DNAI7: variants seen among roughly 807,000 people sequenced by gnomAD.
The protein encoded by DNAI7 is cancer susceptibility 1.
Under a neutral mutation model 86.6 loss-of-function variants are expected in DNAI7, and 78 were observed. The ratio of observed to expected loss-of-function variants is 0.90; its 90% confidence interval spans 0.75 to 1.09. The LOEUF is 1.09. DNAI7 is among the 50% of genes least tolerant of loss of function. DNAI7 has a pLI of 0.00. For missense variants in DNAI7, 753 were observed against 810.2 expected (o/e 0.93, Z 0.86); for synonymous variants, 274 against 273.0 (o/e 1.00, Z -0.04).
At chr12:25,122,161 GTGT>G (rs1279902156) in intron 10 of DNAI7, among the ~76,000 whole-genome samples, 6 of 152,212 alleles carry the variant, frequency 3.9e-5, no homozygotes, top group Admixed American at 3.9e-4. Flanking sequence ...CAATAAGCAT[GTGT>G]TATTATTAAA....
intron 2 of DNAI7, among the ~76,000 whole-genome samples, chr12:25,181,045 T>A (rs1197243913): frequency 6.6e-6 from 1 of 152,214 alleles, no homozygotes; most frequent in Non-Finnish European, 1.5e-5. Flanking sequence ...TGACCTCAGA[T>A]GATCCGCCTG....
intron 9 of DNAI7, among the ~76,000 whole-genome samples, chr12:25,137,484 CA>C (rs1000128757): frequency 2.0e-4 from 30 of 151,652 alleles, no homozygotes; most frequent in African/African-American, 6.8e-4. Flanking sequence ...AAAAACAAAA[CA>C]AAAAAATAAT....
At chr12:25,174,496 C>CATATATATGGGATATATATATATAT in intron 2 of DNAI7, among the ~76,000 whole-genome samples, 1 of 2,890 alleles carries the variant, frequency 3.5e-4, no homozygotes, top group African/African-American at 8.9e-4. Context: ...TATCATATAT[C>CATATATATGGGATATATATATATAT]CCATATATAT....
At chr12:25,117,930 TTC>T (rs1395147100) in intron 12 of DNAI7, among the ~76,000 whole-genome samples, 3 of 74,196 alleles carry the variant, frequency 4.0e-5, no homozygotes, top group Non-Finnish European at 1.1e-4. Context: ...TTTTGATATT[TTC>T]TTTTTCTTTT....
chr12:25,109,390 G>T (rs981314982), intron 15 of DNAI7, among the ~76,000 whole-genome samples: 18 of 151,400 alleles, frequency 1.2e-4, no homozygotes, highest in African/African-American at 4.3e-4. Context: ...GCCTCCATTT[G>T]TTGTTTTTTT....
intron 6 of DNAI7, among the ~76,000 whole-genome samples, chr12:25,150,950 A>G (rs1281585574): frequency 6.6e-6 from 1 of 152,236 alleles, no homozygotes; most frequent in African/African-American, 2.4e-5. Context: ...TAATGCATTC[A>G]TTCTTCATTA....
intron 14 of DNAI7, among the ~76,000 whole-genome samples, chr12:25,111,387 A>C (rs138973454): frequency 2.6e-5 from 4 of 152,344 alleles, no homozygotes; most frequent in African/African-American, 9.6e-5. Context: ...TGGGTTTTGT[A>C]CATTGGTGGT....
intron 2 of DNAI7, among the ~76,000 whole-genome samples, chr12:25,166,804 T>C (rs1947531378): frequency 6.6e-6 from 1 of 152,196 alleles, no homozygotes; most frequent in Non-Finnish European, 1.5e-5. Flanking sequence ...CTGCCGCTGC[T>C]TTAATACTTT....
chr12:25,193,192 C>T (rs894233800), intron 1 of DNAI7, among the ~76,000 whole-genome samples: 1 of 151,866 alleles, frequency 6.6e-6, no homozygotes, highest in African/African-American at 2.4e-5. Context: ...AAATTCTGAT[C>T]CCCAGTACTT....
downstream of DNAI7, chr12:25,108,183 A>G: frequency 1.9e-6 from 2 of 1,072,884 alleles, no homozygotes; most frequent in Non-Finnish European, 2.7e-6. Flanking sequence ...TGACTGTAAG[A>G]TAGCTTACAT....
intron 2 of DNAI7, among the ~76,000 whole-genome samples, chr12:25,184,500 TTTTG>T (rs1473088287): frequency 6.6e-6 from 1 of 152,202 alleles, no homozygotes; most frequent in African/African-American, 2.4e-5. Context: ...ATATACCAAA[TTTTG>T]TTTATTGATT....
chr12:25,185,987 A>G (rs1949993619), intron 2 of DNAI7, among the ~76,000 whole-genome samples: 1 of 152,210 alleles, frequency 6.6e-6, no homozygotes. Flanking sequence ...TCAAATTTGT[A>G]TTAATAATGC....
chr12:25,107,471 C>T (rs1274178750), downstream of DNAI7, among the ~76,000 whole-genome samples: 1 of 152,176 alleles, frequency 6.6e-6, no homozygotes, highest in African/African-American at 2.4e-5. Flanking sequence ...AGTACATACA[C>T]AGACATCCAC....
chr12:25,129,685 A>T (rs1459261543), intron 9 of DNAI7, among the ~76,000 whole-genome samples: 1 of 152,168 alleles, frequency 6.6e-6, no homozygotes. Flanking sequence ...ACACCAAAAG[A>T]TTCAGCTCAT....
chr12:25,185,303 A>C (rs914668358), intron 2 of DNAI7, among the ~76,000 whole-genome samples: 10 of 152,226 alleles, frequency 6.6e-5, no homozygotes, highest in African/African-American at 2.4e-4. Flanking sequence ...CATTGTAGTG[A>C]GCACTATTTA....
At chr12:25,109,214 A>G (rs1402685010) in intron 15 of DNAI7, among the ~76,000 whole-genome samples, 2 of 152,238 alleles carry the variant, frequency 1.3e-5, no homozygotes, top group Non-Finnish European at 2.9e-5. Flanking sequence ...CACAATAAAC[A>G]AGAGCAATAA....
chr12:25,156,911 C>G (rs1946241626), intron 4 of DNAI7, among the ~76,000 whole-genome samples: 1 of 152,128 alleles, frequency 6.6e-6, no homozygotes, highest in African/African-American at 2.4e-5. Context: ...AAAACAAGAT[C>G]TGTTCAGAGG....
chr12:25,146,222 C>CA (rs565902390), intron 8 of DNAI7, among the ~76,000 whole-genome samples: 5,032 of 119,920 alleles, frequency 0.042, 166 homozygotes, highest in East Asian at 0.13. Flanking sequence ...AACTCTGTCT[C>CA]AAAAAAAAAA....
At chr12:25,114,231 G>A (rs549610133) in intron 13 of DNAI7, among the ~76,000 whole-genome samples, 9 of 152,256 alleles carry the variant, frequency 5.9e-5, no homozygotes, top group Non-Finnish European at 1.0e-4. Context: ...GAGCCACTGC[G>A]CTCGGCCCAG....
Sources: gnomAD v4.1 joint callset for allele counts (sites outside exome capture counted in the v4.1 genomes callset) on GRCh38, gnomAD v4.1.1 for gene constraint, MANE v1.5 for transcripts, NCBI Gene and HGNC (gene_info 2026-07-23, HGNC 2026-07-21) for gene names.